ZNF148: variants seen among roughly 807,000 people sequenced by gnomAD.
The protein encoded by ZNF148 is zinc finger protein 148.
Under a neutral mutation model 67.7 loss-of-function variants are expected in ZNF148, and 7 were observed. The observed-to-expected ratio is 0.10, with a 90% CI of 0.06 to 0.19. The LOEUF is 0.19. Ranked by LOEUF, ZNF148 falls within the 10% of genes least tolerant of loss-of-function variation. The pLI is 1.00. For missense variants in ZNF148, 583 were observed against 947.1 expected (o/e 0.62, Z 5.05); for synonymous variants, 333 against 330.7 (o/e 1.01, Z -0.08).
rs1348700572 is a variant in ZNF148 at position 125,231,425 on chromosome 3, T to C, written c.*916A>G. On this transcript the variant is annotated 3_prime_UTR_variant, in exon 9 of 9. Coordinates refer to ENST00000360647, the MANE Select transcript of ZNF148 (RefSeq NM_021964.3). ...TACCAAATAGATTCTAAGTGCTCTA[T>C]GTTAACTGAAGTGTATATGTAAAGT... 6.6e-6 allele frequency: 1 copy of C among 152,558 alleles called. No individual in the cohort carries two copies. The highest frequency in any genetic ancestry group is 1.5e-5 in the Non-Finnish European group (1 of 67,966). 9.5% of individuals were successfully genotyped at this position (152,558 alleles called of 1,614,324 possible). A position where few individuals can be genotyped will look rare whatever the true frequency, so the allele number is the denominator to read the frequency against.
chr3:125,348,300 G>A (rs1942019023), intron 1 of ZNF148, among the ~76,000 whole-genome samples: 1 of 151,412 alleles, frequency 6.6e-6, no homozygotes, highest in Non-Finnish European at 1.5e-5. Flanking sequence ...AGACCTATAA[G>A]TAACAGGTGA....
At chr3:125,339,798 A>C (rs1941639392) in intron 1 of ZNF148, among the ~76,000 whole-genome samples, 1 of 152,196 alleles carries the variant, frequency 6.6e-6, no homozygotes, top group Admixed American at 6.5e-5. Flanking sequence ...TACCTACAAA[A>C]ATTAAAAATT....
intron 4 of ZNF148, among the ~76,000 whole-genome samples, chr3:125,290,758 T>C (rs1285049080): frequency 6.6e-6 from 1 of 152,078 alleles, no homozygotes; most frequent in East Asian, 1.9e-4. Context: ...AGGGTTCTGA[T>C]GCATTACCAA....
chr3:125,295,826 A>G (rs1939253534), intron 4 of ZNF148, among the ~76,000 whole-genome samples: 1 of 152,186 alleles, frequency 6.6e-6, no homozygotes, highest in Admixed American at 6.5e-5. Context: ...TCATCTGTTA[A>G]TTGGCAGTAG....
intron 4 of ZNF148, among the ~76,000 whole-genome samples, chr3:125,309,429 C>A (rs1278183637): frequency 4.6e-5 from 7 of 152,068 alleles, no homozygotes; most frequent in African/African-American, 1.7e-4. Flanking sequence ...AAAGAGACAT[C>A]TTTTAAGGTG....
chr3:125,316,685 G>T (rs1940511325), intron 3 of ZNF148, among the ~76,000 whole-genome samples: 1 of 151,844 alleles, frequency 6.6e-6, no homozygotes. Flanking sequence ...CCCATTTTTT[G>T]ATTGAATTAC....
intron 7 of ZNF148, among the ~76,000 whole-genome samples, chr3:125,250,498 C>T (rs1936791723): frequency 6.6e-6 from 1 of 152,162 alleles, no homozygotes; most frequent in Non-Finnish European, 1.5e-5. Context: ...CATGTACATA[C>T]TTCTTTCAAA....
At chr3:125,323,743 G>A (rs1940890861) in intron 2 of ZNF148, among the ~76,000 whole-genome samples, 2 of 152,146 alleles carry the variant, frequency 1.3e-5, no homozygotes, top group African/African-American at 4.8e-5. Flanking sequence ...GGCGGATCAC[G>A]AGGTCAGGAG....
chr3:125,283,428 T>C (rs1313335252), intron 5 of ZNF148, among the ~76,000 whole-genome samples: 1 of 152,192 alleles, frequency 6.6e-6, no homozygotes, highest in Non-Finnish European at 1.5e-5. Flanking sequence ...AGAAAAAGGC[T>C]GTTTCTTCCC....
In ZNF148 at chr3:125,294,173, T is replaced by A. The variant is rs117774200; in HGVS notation, c.334-5945A>T. ...ATTAAGAAACAGTCTACAACACAAC[T>A]GACCAACACTCATCAAAGTATAAAG... On this transcript the variant is annotated intron_variant, in intron 4 of 8. Transcript: ENST00000360647. Among the ~76,000 whole-genome samples the A allele has an allele frequency of 3.5e-4, 54 of 152,130 alleles. No homozygotes were observed. In the East Asian group the frequency reaches 0.01, roughly 28 times the overall value.
At position 125,313,021 on chromosome 3, in the gene ZNF148, A is replaced by G. The variant is rs547418033; in HGVS notation, c.333+287T>C. Among the ~76,000 whole-genome samples, 31 of 152,314 alleles carry G rather than the reference A, an allele frequency of 2.0e-4. No individual in the cohort carries two copies. The South Asian group carries it at 4.1e-3, about 20-fold the overall frequency. On this transcript the variant is annotated intron_variant, in intron 4 of 8. Transcript: ENST00000360647. ...TTCAAATGTTTTACTCTTTAAGGAG[A>G]AACCTAGAAGTTAGATAAAATATCT...
At chr3:125,270,936 T>C (rs962190442) in intron 7 of ZNF148, among the ~76,000 whole-genome samples, 1 of 152,202 alleles carries the variant, frequency 6.6e-6, no homozygotes, top group African/African-American at 2.4e-5. Flanking sequence ...GCTAAAGTAA[T>C]ATTACATTCC....
intron 4 of ZNF148, among the ~76,000 whole-genome samples, chr3:125,297,599 C>T (rs1939352080): frequency 6.6e-6 from 1 of 151,130 alleles, no homozygotes. Flanking sequence ...AAAAGATGAA[C>T]ATCTACCTTA....
intron 7 of ZNF148, among the ~76,000 whole-genome samples, chr3:125,268,551 TTAATGCAAGAC>T (rs756261419): frequency 6.6e-6 from 1 of 152,076 alleles, no homozygotes; most frequent in Non-Finnish European, 1.5e-5. Flanking sequence ...TATGCAAAAA[TTAATGCAAGAC>T]AAATTAAAGA....
intron 7 of ZNF148, among the ~76,000 whole-genome samples, chr3:125,251,321 T>C (rs1936830876): frequency 6.6e-6 from 1 of 152,204 alleles, no homozygotes; most frequent in Non-Finnish European, 1.5e-5. Context: ...ATTTAAAGCA[T>C]ATAGAAAGTA....
chr3:125,300,718 T>C (rs1481600775), intron 4 of ZNF148, among the ~76,000 whole-genome samples: 1 of 152,256 alleles, frequency 6.6e-6, no homozygotes, highest in African/African-American at 2.4e-5. Flanking sequence ...CATGATTTTT[T>C]AGATAGTTCC....
At chr3:125,294,790 C>T (rs1464888824) in intron 4 of ZNF148, among the ~76,000 whole-genome samples, 2 of 152,048 alleles carry the variant, frequency 1.3e-5, no homozygotes, top group Non-Finnish European at 2.9e-5. Flanking sequence ...TGCCTAAAAG[C>T]ACAGTAATTA....
At chr3:125,261,254 T>C (rs553652490) in intron 7 of ZNF148, among the ~76,000 whole-genome samples, 6 of 152,282 alleles carry the variant, frequency 3.9e-5, no homozygotes, top group African/African-American at 1.4e-4. Context: ...AGCTGGCCCA[T>C]TGTTTGAACT....
At chr3:125,260,267 A>G (rs938866948) in intron 7 of ZNF148, among the ~76,000 whole-genome samples, 3 of 152,168 alleles carry the variant, frequency 2.0e-5, no homozygotes, top group African/African-American at 7.2e-5. Context: ...TGATGCTGAC[A>G]GACGCTCAAC....
Sources: gnomAD v4.1 joint callset for allele counts (sites outside exome capture counted in the v4.1 genomes callset) on GRCh38, gnomAD v4.1.1 for gene constraint, MANE v1.5 for transcripts, NCBI Gene and HGNC (gene_info 2026-07-23, HGNC 2026-07-21) for gene names.